The following GSAP variants were observed in gnomAD, a reference collection of about 807,000 sequenced individuals.
GSAP encodes gamma-secretase-activating protein.
GSAP carries 118 observed loss-of-function variants against 131.7 expected under a neutral mutation model. That is an observed-to-expected ratio of 0.90 (90% CI 0.77 to 1.04). The LOEUF (loss-of-function observed/expected upper bound fraction) is 1.04. GSAP is among the 50% of genes least tolerant of loss of function. GSAP has a pLI of 0.00. For missense variants in GSAP, 1,019 were observed against 1,013.2 expected (o/e 1.01, Z -0.08); for synonymous variants, 381 against 363.4 (o/e 1.05, Z -0.55).
At chr7:77,394,195 G>A (rs1315130233) in intron 5 of GSAP, among the ~76,000 whole-genome samples, 1 of 152,050 alleles carries the variant, frequency 6.6e-6, no homozygotes, top group Non-Finnish European at 1.5e-5. Flanking sequence ...TAGGAATGAG[G>A]GCCACACCTT....
chr7:77,360,594 A>G (rs1223903722), intron 14 of GSAP, among the ~76,000 whole-genome samples: 1 of 152,242 alleles, frequency 6.6e-6, no homozygotes, highest in Non-Finnish European at 1.5e-5. Context: ...GGTTCTCTAA[A>G]AAGGGAAGAT....
chr7:77,416,498 G>T, upstream of GSAP: 1 of 411,676 alleles, frequency 2.4e-6, no homozygotes, highest in Non-Finnish European at 4.3e-6. Flanking sequence ...AGCTCCTCCC[G>T]GCCGGCGGCC....
intron 19 of GSAP, among the ~76,000 whole-genome samples, chr7:77,332,212 T>C (rs767699009): frequency 1.3e-5 from 2 of 152,210 alleles, no homozygotes; most frequent in African/African-American, 2.4e-5. Context: ...ATCCTGTTGT[T>C]AGAAGTCCCC....
chr7:77,395,564 G>T (rs1306054568), intron 5 of GSAP, among the ~76,000 whole-genome samples: 1 of 152,108 alleles, frequency 6.6e-6, no homozygotes, highest in African/African-American at 2.4e-5. Flanking sequence ...AGACGGAAGG[G>T]GTTGTTCTCA....
rs919963169 is a variant in GSAP at position 77,313,787 on chromosome 7, T to C, written c.2210-238A>G. Among the ~76,000 whole-genome samples the C allele has an allele frequency of 1.4e-4, 22 of 152,240 alleles. 1 individual carries two copies. Among genetic ancestry groups the C allele is most frequent in the African/African-American group, 4.6e-4 (19 of 41,462 alleles). On this transcript the variant is annotated intron_variant, in intron 27 of 30. Transcript: ENST00000257626. ...TGACTAACTTAAAACAGAAGGTACC[T>C]TGAGGAATGACAAATGCTTTCATAT... is the stretch of plus-strand genomic sequence containing the variant.
chr7:77,395,380 C>A (rs1800198636), intron 5 of GSAP, among the ~76,000 whole-genome samples: 1 of 152,156 alleles, frequency 6.6e-6, no homozygotes, highest in Non-Finnish European at 1.5e-5. Flanking sequence ...AAGGTCACAG[C>A]CATATCCTGG....
At chr7:77,387,493 C>T in intron 5 of GSAP, 45 bp from the exon 6 acceptor site, 1 of 1,011,922 alleles carries the variant, frequency 9.9e-7, no homozygotes, top group African/African-American at 1.6e-5. Flanking sequence ...TGTAATATCA[C>T]ACATTATTTT....
chr7:77,313,543 T>C lies in GSAP; in HGVS notation c.2216A>G (p.Asp739Gly). Residue 739 changes from aspartate (D) to glycine (G), a missense_variant, in exon 28 of 31, where the codon GAT becomes GGT. Coordinates refer to ENST00000257626, the MANE Select transcript of GSAP (RefSeq NM_017439.4). ...TAVIRLMKDLDNTEKNEKLKF... is the reference protein window; with the variant it reads ...TAVIRLMKDLGNTEKNEKLKF... ...CAGTTTTTCATTTTTCTCTGTATTATCCAGATCTACAAGAAAGTTAGAGAT... is the reference window on the plus strand; with the variant it reads ...CAGTTTTTCATTTTTCTCTGTATTACCCAGATCTACAAGAAAGTTAGAGAT... 1 of 1,508,834 alleles carries C rather than the reference T, an allele frequency of 6.6e-7. No individual in the cohort carries two copies. Among genetic ancestry groups the C allele is most frequent in the East Asian group, 2.3e-5 (1 of 44,266 alleles). The allele number at this position is 1,508,834 out of a possible 1,614,324, so 93.5% of individuals were successfully genotyped here.
intron 3 of GSAP, 86 bp from the exon 4 acceptor site, chr7:77,397,501 C>G (rs906343529): frequency 1.4e-6 from 1 of 727,554 alleles, no homozygotes; most frequent in Non-Finnish European, 2.3e-6. Flanking sequence ...AAGCTCTGTG[C>G]TAAGTATTAC....
intron 20 of GSAP, 94 bp downstream of exon 20, chr7:77,330,145 G>A (rs904930783): frequency 7.0e-7 from 1 of 1,424,562 alleles, no homozygotes; most frequent in African/African-American, 1.4e-5. Context: ...GAAGAGTGCT[G>A]CACATGGAAG....
chr7:77,408,504 G>A (rs1009481667), intron 1 of GSAP, among the ~76,000 whole-genome samples: 1 of 151,952 alleles, frequency 6.6e-6, no homozygotes, highest in African/African-American at 2.4e-5. Flanking sequence ...TTCAAGAGCA[G>A]CCTGGTCAAC....
intron 9 of GSAP, 49 bp downstream of exon 9, chr7:77,377,237 T>TAGA: frequency 1.2e-5 from 11 of 891,782 alleles, no homozygotes; most frequent in Middle Eastern, 4.5e-4. Context: ...AATATTTTTG[T>TAGA]AAAAAAAAAA....
chr7:77,335,207 C>T (rs1789800301), intron 19 of GSAP, among the ~76,000 whole-genome samples: 1 of 152,170 alleles, frequency 6.6e-6, no homozygotes, highest in Non-Finnish European at 1.5e-5. Flanking sequence ...CGAGACCAGC[C>T]TGGGCAACAT....
intron 12 of GSAP, among the ~76,000 whole-genome samples, chr7:77,373,119 A>G (rs1303009242): frequency 6.6e-6 from 1 of 152,200 alleles, no homozygotes; most frequent in African/African-American, 2.4e-5. Flanking sequence ...GAACTAGAAC[A>G]TGGTTGAAGA....
chr7:77,384,722 C>T (rs952946085), intron 6 of GSAP, among the ~76,000 whole-genome samples: 1 of 151,988 alleles, frequency 6.6e-6, no homozygotes. Flanking sequence ...GTTGTCAAGA[C>T]TACACATGCA....
At chr7:77,391,704 G>A (rs750546201) in intron 5 of GSAP, among the ~76,000 whole-genome samples, 1 of 152,070 alleles carries the variant, frequency 6.6e-6, no homozygotes. Context: ...ACATGGTGGT[G>A]TGTGCCTATA....
intron 11 of GSAP, 23 bp downstream of exon 11, chr7:77,375,035 G>C (rs759145937): frequency 2.5e-6 from 3 of 1,186,468 alleles, no homozygotes; most frequent in Non-Finnish European, 3.7e-6. Context: ...ATAAAAATTA[G>C]TAACAACCTA....
chr7:77,321,594 C>A (rs1330720409), intron 24 of GSAP, among the ~76,000 whole-genome samples, 191 bp from the exon 25 acceptor site: 1 of 152,168 alleles, frequency 6.6e-6, no homozygotes, highest in Non-Finnish European at 1.5e-5. Context: ...AAATGTGCAC[C>A]AGAAACTAAC....
At chr7:77,408,689 C>CA (rs749202124) in intron 1 of GSAP, among the ~76,000 whole-genome samples, 9,128 of 64,890 alleles carry the variant, frequency 0.14, 311 homozygotes, top group Non-Finnish European at 0.18. Context: ...ACTCTGCCTC[C>CA]AAAAAAAAAA....
Sources: allele counts gnomAD v4.1 joint callset (sites outside exome capture counted in the v4.1 genomes callset), GRCh38; gene constraint gnomAD v4.1.1; transcripts MANE v1.5; gene names NCBI Gene and HGNC (gene_info 2026-07-23, HGNC 2026-07-21).